Variants in DGKB observed in about 807,000 individuals in gnomAD.
DGKB encodes the protein diacylglycerol kinase beta.
A neutral mutation model predicts 114.3 loss-of-function variants in DGKB; 67 were observed. The ratio of observed to expected loss-of-function variants is 0.59; its 90% CI spans 0.48 to 0.72. The LOEUF (loss-of-function observed/expected upper bound fraction) is 0.72. Ranked by LOEUF, DGKB falls within the 30% of genes least tolerant of loss-of-function variation. DGKB has a pLI of 0.00. For synonymous variants in DGKB, 398 were observed against 323.1 expected, an observed-to-expected ratio of 1.23 and a Z score of -2.49; for missense variants, 907 against 975.2, an observed-to-expected ratio of 0.93 and a Z score of 0.93.
At position 14,273,833 on chromosome 7, in the gene DGKB, GGTGA is replaced by G. The variant is rs1021809050; in HGVS notation, c.2122+64678_2122+64681del. Among the ~76,000 whole-genome samples the G allele has an allele frequency of 4.2e-4, 64 of 152,024 alleles. 1 individual carries two copies. The highest frequency in any genetic ancestry group is 7.2e-4 in the Admixed American group (11 of 15,264). ...TTTTTTAAAATTTAGTTCATATTGA[GGTGA>G]GTATGTATATATGTGTGCAAAAAAG... On this transcript the variant is annotated intron_variant, in intron 23 of 25. Coordinates refer to ENST00000402815, the MANE Select transcript of DGKB (RefSeq NM_001350709.2).
intron 20 of DGKB, among the ~76,000 whole-genome samples, chr7:14,504,800 G>T (rs1226735738): frequency 6.6e-6 from 1 of 151,600 alleles, no homozygotes; most frequent in East Asian, 1.9e-4. Flanking sequence ...GTATTTTACT[G>T]GATAATTTCT....
intron 5 of DGKB, among the ~76,000 whole-genome samples, chr7:14,731,616 G>A (rs1830935843): frequency 6.6e-6 from 1 of 152,168 alleles, no homozygotes; most frequent in Admixed American, 6.5e-5. Context: ...TATGTTGAGT[G>A]TTCAAGTTGT....
intron 23 of DGKB, chr7:14,191,830 C>A: frequency 2.2e-6 from 1 of 461,210 alleles, no homozygotes. Flanking sequence ...AAATCAGTGA[C>A]GGCTATGTCC....
chr7:14,767,634 A>G (rs1183178251), intron 2 of DGKB, among the ~76,000 whole-genome samples: 1 of 151,950 alleles, frequency 6.6e-6, no homozygotes, highest in Non-Finnish European at 1.5e-5. Flanking sequence ...AACAACTTGA[A>G]TACAATATAA....
chr7:14,207,993 AGCTCT>A (rs1350790665), intron 23 of DGKB, among the ~76,000 whole-genome samples: 11 of 152,048 alleles, frequency 7.2e-5, no homozygotes, highest in Admixed American at 7.2e-4. Context: ...TTGTTTGTAA[AGCTCT>A]ACTCTATGAT....
At chr7:14,858,563 T>A (rs574095928) in intron 1 of DGKB, among the ~76,000 whole-genome samples, 7 of 152,298 alleles carry the variant, frequency 4.6e-5, no homozygotes, top group Non-Finnish European at 8.8e-5. Flanking sequence ...TTAAGTGGGA[T>A]GGCAGCTTCA....
Position 14,970,418 on chromosome 7 carries a change from T to C in DGKB, c.-188+4278A>G, listed in dbSNP as rs1265247257. 2.6e-5 allele frequency among the ~76,000 whole-genome samples: 4 copies of C among 151,900 alleles called. No individual in the cohort carries two copies. The East Asian group carries it at 5.8e-4, about 22-fold the overall frequency. ...GAAGTAAAACAGGGTAATGTAAAAC[T>C]GTAAAACCTTGAGGCAGAAACAGGT... On this transcript the variant is annotated intron_variant, in intron 1 of 4. Transcript: ENST00000437998.
chr7:14,556,491 G>C (rs1173319216), intron 20 of DGKB, among the ~76,000 whole-genome samples: 1 of 151,906 alleles, frequency 6.6e-6, no homozygotes. Flanking sequence ...GACTGACATA[G>C]TGAGAGAAGA....
chr7:14,796,908 C>T (rs1322226827), intron 2 of DGKB, among the ~76,000 whole-genome samples: 1 of 152,034 alleles, frequency 6.6e-6, no homozygotes, highest in Non-Finnish European at 1.5e-5. Flanking sequence ...CCTTTGACAT[C>T]TTTTTGTTTC....
At chr7:14,613,274 A>G (rs1805898293) in intron 16 of DGKB, 66 bp downstream of exon 16, 2 of 911,702 alleles carry the variant, frequency 2.2e-6, no homozygotes, top group East Asian at 2.7e-5. Context: ...GCATTTTTAC[A>G]TCATAGTTTT....
intron 1 of DGKB, among the ~76,000 whole-genome samples, chr7:14,914,946 A>G (rs1784167612): frequency 6.6e-6 from 1 of 152,168 alleles, no homozygotes; most frequent in South Asian, 2.1e-4. Flanking sequence ...GAGCTTGAAC[A>G]CAGGAGGAAA....
chr7:14,256,408 AGCC>A (rs1404050347), intron 23 of DGKB, among the ~76,000 whole-genome samples: 1 of 151,910 alleles, frequency 6.6e-6, no homozygotes, highest in African/African-American at 2.4e-5. Context: ...ACCACTTGAA[AGCC>A]TCTCTTAAAG....
intron 17 of DGKB, among the ~76,000 whole-genome samples, chr7:14,594,745 G>A (rs900718484): frequency 6.6e-6 from 1 of 152,068 alleles, no homozygotes; most frequent in East Asian, 1.9e-4. Context: ...ATTCCATGGA[G>A]TTAGCTTAGA....
intron 1 of DGKB, among the ~76,000 whole-genome samples, chr7:14,846,862 T>C (rs1848689618): frequency 6.6e-6 from 1 of 152,364 alleles, no homozygotes; most frequent in South Asian, 2.1e-4. Flanking sequence ...GAAGACGCCA[T>C]TCGGCAATAT....
intron 21 of DGKB, among the ~76,000 whole-genome samples, chr7:14,406,916 A>T (rs1379465123): frequency 6.6e-6 from 1 of 152,110 alleles, no homozygotes; most frequent in African/African-American, 2.4e-5. Flanking sequence ...ATAGAAATGA[A>T]AGAAGAACAG....
chr7:14,695,531 A>T (rs575228824), intron 8 of DGKB, among the ~76,000 whole-genome samples: 7 of 89,652 alleles, frequency 7.8e-5, no homozygotes, highest in African/African-American at 2.9e-4. Flanking sequence ...ATGGAGTCTC[A>T]CTCTGTCGCC....
rs1381709927 is a variant in DGKB at position 14,145,919 on chromosome 7, C to A, written c.*3212G>T. The A allele has an allele frequency of 6.6e-6, 1 of 152,150 alleles. No individual in the cohort carries two copies. Among genetic ancestry groups the A allele is most frequent in the African/African-American group, 2.4e-5 (1 of 41,434 alleles). The allele number at this position is 152,150 out of a possible 1,614,324, so 9.4% of individuals were successfully genotyped here. ...CTTCCCTGAAAAATTGCAACTACTT[C>A]CCATATGCCTAAAAAACGAAAACAA... On this transcript the variant is annotated 3_prime_UTR_variant, in exon 26 of 26. Coordinates refer to ENST00000402815, the MANE Select transcript of DGKB (RefSeq NM_001350709.2).
intron 20 of DGKB, among the ~76,000 whole-genome samples, chr7:14,509,784 A>G (rs1787701952): frequency 6.6e-6 from 1 of 152,116 alleles, no homozygotes; most frequent in Admixed American, 6.6e-5. Context: ...TCTCCGCCAG[A>G]CTCGGGGTAC....
At chr7:14,167,776 G>C (rs1784823803) in intron 25 of DGKB, among the ~76,000 whole-genome samples, 1 of 152,158 alleles carries the variant, frequency 6.6e-6, no homozygotes, top group African/African-American at 2.4e-5. Context: ...AGATAGAGCA[G>C]CTTTTGTAAC....
Sources: allele counts gnomAD v4.1 joint callset (sites outside exome capture counted in the v4.1 genomes callset), GRCh38; gene constraint gnomAD v4.1.1; transcripts MANE v1.5; gene names NCBI Gene and HGNC (gene_info 2026-07-23, HGNC 2026-07-21).